The following CYRIB variants were observed in gnomAD, a reference collection of about 807,000 sequenced individuals.
The protein encoded by CYRIB is CYFIP related Rac1 interactor B, also known as CYFIP-related Rac1 interactor B.
In CYRIB, 8 loss-of-function variants were observed where a neutral mutation model predicts 44.2. The ratio of observed to expected loss-of-function variants is 0.18; its 90% CI spans 0.11 to 0.33. The LOEUF (loss-of-function observed/expected upper bound fraction) is 0.33, where lower values mean the gene tolerates loss of function less well. CYRIB is among the 10% of genes least tolerant of loss of function. CYRIB has a pLI of 1.00. For missense variants in CYRIB, 185 were observed against 382.8 expected (o/e 0.48, Z 4.31); for synonymous variants, 131 against 127.2 (o/e 1.03, Z -0.20).
intron 6 of CYRIB, among the ~76,000 whole-genome samples, chr8:129,855,320 G>C (rs961401688): frequency 1.3e-5 from 2 of 151,752 alleles, no homozygotes; most frequent in African/African-American, 2.4e-5. Context: ...GAGCCCAGGA[G>C]GGAGAGGTTG....
intron 3 of CYRIB, among the ~76,000 whole-genome samples, chr8:129,876,031 T>C (rs991724559): frequency 3.3e-5 from 5 of 151,980 alleles, no homozygotes; most frequent in Non-Finnish European, 5.9e-5. Flanking sequence ...GGAGAATCAC[T>C]TGAACCCAGA....
intron 1 of CYRIB, 135 bp downstream of exon 1, chr8:130,016,235 G>A (rs1048447706): frequency 2.7e-5 from 4 of 147,234 alleles, no homozygotes; most frequent in African/African-American, 7.3e-5. Flanking sequence ...CGGCGGCCCG[G>A]ATGGTACCTC....
chr8:129,878,500 A>G (rs1400419575), intron 3 of CYRIB, among the ~76,000 whole-genome samples: 1 of 152,242 alleles, frequency 6.6e-6, no homozygotes, highest in Admixed American at 6.5e-5. Context: ...ACATTCTAAC[A>G]CTTAAAAATA....
At chr8:129,971,944 A>G (rs1339313270) in intron 1 of CYRIB, among the ~76,000 whole-genome samples, 1 of 152,240 alleles carries the variant, frequency 6.6e-6, no homozygotes, top group East Asian at 1.9e-4. Flanking sequence ...CAAAGTCGGC[A>G]GTGTCTAGAC....
intron 1 of CYRIB, among the ~76,000 whole-genome samples, chr8:129,925,986 C>T (rs1339745989): frequency 6.6e-6 from 1 of 152,226 alleles, no homozygotes; most frequent in East Asian, 1.9e-4. Context: ...CTGAATGAAA[C>T]CTTTTACAAC....
At chr8:129,971,409 A>T (rs765967324) in intron 1 of CYRIB, among the ~76,000 whole-genome samples, 1 of 152,196 alleles carries the variant, frequency 6.6e-6, no homozygotes, top group African/African-American at 2.4e-5. Flanking sequence ...GCATTTGTAC[A>T]GTCCATTATA....
At chr8:129,941,093 G>T (rs1321556834), upstream of CYRIB, among the ~76,000 whole-genome samples, 1 of 152,036 alleles carries the variant, frequency 6.6e-6, no homozygotes, top group African/African-American at 2.4e-5. Context: ...TAACATGGTG[G>T]GCATATTACT....
chr8:129,890,820 G>C (rs1564703681), intron 2 of CYRIB, among the ~76,000 whole-genome samples: 1 of 151,938 alleles, frequency 6.6e-6, no homozygotes, highest in African/African-American at 2.4e-5. Flanking sequence ...TTGAACACGG[G>C]AGGCGGAGGC....
At chr8:129,842,003 A>T (rs2036557022) in exon 12 of CYRIB, 6 of 644,084 alleles carry the variant, frequency 9.3e-6, no homozygotes, top group South Asian at 2.0e-5. Context: ...GAACATGATT[A>T]AAAAAGAGGG....
chr8:129,999,399 G>A (rs1477212049), intron 1 of CYRIB, among the ~76,000 whole-genome samples: 2 of 152,230 alleles, frequency 1.3e-5, no homozygotes, highest in Non-Finnish European at 2.9e-5. Context: ...CAGGAACACA[G>A]AGTGAGCAAA....
In CYRIB at chr8:129,930,365, TTATA is replaced by T. The variant is rs1554659983; in HGVS notation, c.-50+9239_-50+9242del. ...TCAACTAGGAAGAATTGTGAAGTGC[TTATA>T]TATATATATATTTTAATTATTTAAA... On this transcript the variant is annotated intron_variant, in intron 1 of 11. Coordinates refer to ENST00000519824, the Ensembl canonical transcript of CYRIB. 4.0e-5 allele frequency among the ~76,000 whole-genome samples: 2 copies of T among 50,438 alleles called. 1 individual carries two copies. Among genetic ancestry groups the T allele is most frequent in the African/African-American group, 1.4e-4 (2 of 14,490 alleles). The allele number at this position is 50,438 out of a possible 152,430, so 33.1% of individuals were successfully genotyped here. A position where few individuals can be genotyped will look rare whatever the true frequency, so the allele number is the denominator to read the frequency against.
rs35818262 is a variant in CYRIB, at chr8:129,850,903, T to C, written c.645A>G (p.Leu215=). The C allele has an allele frequency of 1.8e-4, 295 of 1,603,672 alleles. No homozygotes were observed. In the African/African-American group the frequency reaches 3.5e-3, roughly 19 times the overall value. Reference sequence around the variant, plus strand: ...AACAATCTGTGGTATTTTCTATTGGTAAATTTTTATTCTGTAGAAGTATAT... The same window carrying C: ...AACAATCTGTGGTATTTTCTATTGGCAAATTTTTATTCTGTAGAAGTATAT... Residue 215 remains leucine (L), a synonymous_variant, in exon 9 of 12, where the codon TTA becomes TTG. Transcript: ENST00000519824.
At chr8:129,987,120 C>T (rs900630110) in intron 1 of CYRIB, among the ~76,000 whole-genome samples, 23 of 152,222 alleles carry the variant, frequency 1.5e-4, no homozygotes, top group African/African-American at 4.1e-4. Flanking sequence ...TGAATCCAAG[C>T]TGATGGCCTC....
At chr8:129,999,334 G>A (rs1372330370) in intron 1 of CYRIB, among the ~76,000 whole-genome samples, 5 of 152,202 alleles carry the variant, frequency 3.3e-5, no homozygotes. Flanking sequence ...GGCCCGTCTC[G>A]GGATCCCTGT....
At chr8:129,937,129 G>A (rs2092956308) in intron 1 of CYRIB, among the ~76,000 whole-genome samples, 2 of 152,178 alleles carry the variant, frequency 1.3e-5, no homozygotes, top group African/African-American at 2.4e-5. Context: ...CTTTGACCTT[G>A]CCATTAACTC....
At chr8:129,957,873 G>A (rs897913227) in intron 2 of CYRIB, among the ~76,000 whole-genome samples, 6 of 151,318 alleles carry the variant, frequency 4.0e-5, no homozygotes, top group African/African-American at 1.2e-4. Flanking sequence ...GCTGAGGCAG[G>A]AGAATGGTGT....
At chr8:129,876,007 G>A (rs375101729) in intron 3 of CYRIB, among the ~76,000 whole-genome samples, 13 of 151,970 alleles carry the variant, frequency 8.6e-5, no homozygotes, top group Non-Finnish European at 8.8e-5. Flanking sequence ...CCAGCTACTC[G>A]GGAGGCTGAG....
chr8:129,885,821 C>A (rs190203029), intron 2 of CYRIB, among the ~76,000 whole-genome samples: 1 of 152,098 alleles, frequency 6.6e-6, no homozygotes, highest in Non-Finnish European at 1.5e-5. Context: ...AAAAAAAATT[C>A]TTACCTTTCT....
intron 1 of CYRIB, among the ~76,000 whole-genome samples, chr8:129,982,717 T>G (rs2096283740): frequency 6.6e-6 from 1 of 152,178 alleles, no homozygotes; most frequent in Non-Finnish European, 1.5e-5. Context: ...TATGTCCAAA[T>G]GCGAGAAAAA....
Sources: gnomAD v4.1 joint callset for allele counts (sites outside exome capture counted in the v4.1 genomes callset) on GRCh38, gnomAD v4.1.1 for gene constraint, MANE v1.5 for transcripts, NCBI Gene and HGNC (gene_info 2026-07-23, HGNC 2026-07-21) for gene names.